Variants in UTRN observed in about 807,000 individuals in gnomAD.
The protein encoded by UTRN is dystrophin-related protein 1.
A neutral mutation model predicts 463.9 loss-of-function variants in UTRN; 283 were observed. The observed-to-expected ratio is 0.61, with a 90% CI of 0.55 to 0.67. The LOEUF (loss-of-function observed/expected upper bound fraction) is 0.67. Ranked by LOEUF, UTRN falls within the 30% of genes least tolerant of loss-of-function variation. The pLI, the probability that UTRN is intolerant of heterozygous loss-of-function variation, is 0.00. For missense variants in UTRN, 3,922 were observed against 4,084.3 expected (o/e 0.96, Z 1.08); for synonymous variants, 1,442 against 1,431.5 (o/e 1.01, Z -0.17).
intron 51 of UTRN, among the ~76,000 whole-genome samples, chr6:144,586,527 A>G (rs1165002453): frequency 6.6e-6 from 1 of 152,142 alleles, no homozygotes; most frequent in Non-Finnish European, 1.5e-5. Flanking sequence ...AGCACAGTAG[A>G]AAAAAAGCTG....
At chr6:144,293,250 A>G (rs1269635803) in intron 2 of UTRN, among the ~76,000 whole-genome samples, 5 of 152,148 alleles carry the variant, frequency 3.3e-5, no homozygotes, top group Non-Finnish European at 7.4e-5. Flanking sequence ...GTCATTTTCT[A>G]TAAATTGTGA....
intron 51 of UTRN, among the ~76,000 whole-genome samples, chr6:144,611,331 A>G (rs115916703): frequency 0.015 from 2,294 of 152,286 alleles, 54 homozygotes; most frequent in African/African-American, 0.05. Context: ...CACTATCACA[A>G]CTTCTGTTCA....
At chr6:144,429,002 C>A (rs1785545483) in intron 8 of UTRN, 109 bp downstream of exon 8, 3 of 699,298 alleles carry the variant, frequency 4.3e-6, no homozygotes, top group African/African-American at 1.8e-5. Context: ...CTTGAAGAAC[C>A]TTTTCCTTTT....
Position 144,627,311 on chromosome 6 carries a change from C to A in UTRN, c.7479+50023C>A, listed in dbSNP as rs569168753. Among the ~76,000 whole-genome samples, 154 of 152,256 alleles carry A rather than the reference C, an allele frequency of 1.0e-3. 1 individual carries two copies. The highest frequency in any genetic ancestry group is 1.9e-3 in the Non-Finnish European group (129 of 68,020). On this transcript the variant is annotated intron_variant, in intron 51 of 74. Transcript: ENST00000367545. ...TTGTCAAAGGGAGTAATAGCTGTTA[C>A]ATTCATTTATCGGTTTACTTTCTGT...
chr6:144,299,095 A>G (rs191707359), intron 2 of UTRN, among the ~76,000 whole-genome samples: 98 of 152,340 alleles, frequency 6.4e-4, no homozygotes, highest in African/African-American at 2.1e-3. Context: ...GATCCAGTCA[A>G]TATGTAGATT....
chr6:144,554,981 C>A, intron 49 of UTRN, 88 bp downstream of exon 49: 2 of 1,366,038 alleles, frequency 1.5e-6, no homozygotes, highest in Non-Finnish European at 1.0e-6. Context: ...ACAATAGGAC[C>A]CTGCCATGTT....
chr6:144,372,091 C>T (rs1311267744), intron 2 of UTRN, among the ~76,000 whole-genome samples: 1 of 152,238 alleles, frequency 6.6e-6, no homozygotes, highest in Non-Finnish European at 1.5e-5. Context: ...TTAAGCCACT[C>T]TTCCTCCTCA....
chr6:144,752,742 T>C lies in UTRN; in HGVS notation c.8355+790T>C, dbSNP rs112902031. ...ATATTTGTTCTTTATTCTTTTTTTT[T>C]CTTCTGCTCTGTTTCTCTAATTCAT... On this transcript the variant is annotated intron_variant, in intron 56 of 74. Transcript: ENST00000367545. Among the ~76,000 whole-genome samples, 415 of 152,294 alleles carry C rather than the reference T, an allele frequency of 2.7e-3. 1 individual carries two copies. The highest frequency in any genetic ancestry group is 9.4e-3 in the African/African-American group (389 of 41,566).
At chr6:144,354,993 T>C (rs1446238196) in intron 2 of UTRN, among the ~76,000 whole-genome samples, 1 of 152,178 alleles carries the variant, frequency 6.6e-6, no homozygotes, top group Non-Finnish European at 1.5e-5. Flanking sequence ...TTCTTGTCTT[T>C]GAATCTTTAA....
At chr6:144,628,768 G>T (rs1346198883) in intron 51 of UTRN, among the ~76,000 whole-genome samples, 1 of 151,998 alleles carries the variant, frequency 6.6e-6, no homozygotes, top group Non-Finnish European at 1.5e-5. Flanking sequence ...TTCCTCAGGG[G>T]GCTCCCTGAG....
chr6:144,760,393 C>G (rs1158234282), intron 58 of UTRN, among the ~76,000 whole-genome samples: 2 of 152,112 alleles, frequency 1.3e-5, no homozygotes, highest in Non-Finnish European at 1.5e-5. Context: ...AAAATCTTCT[C>G]CATCACCAGT....
rs1792326122 is a variant in UTRN, at chr6:144,485,318, T to C, written c.3688-67T>C. ...TGAAATTATTAGCGATTAAAGAGAATGTGTAGTACTAGAGATACGATGTGT... is the reference window on the plus strand; with the variant it reads ...TGAAATTATTAGCGATTAAAGAGAACGTGTAGTACTAGAGATACGATGTGT... On this transcript the variant is annotated intron_variant, in intron 27 of 74. Coordinates refer to ENST00000367545, the MANE Select transcript of UTRN (RefSeq NM_007124.3). 1.0e-5 allele frequency: 16 copies of C among 1,576,958 alleles called. No homozygotes were observed. In the South Asian group the frequency reaches 1.5e-4, roughly 15 times the overall value.
intron 53 of UTRN, among the ~76,000 whole-genome samples, chr6:144,706,406 C>G (rs1586130471): frequency 6.6e-6 from 1 of 152,096 alleles, no homozygotes; most frequent in East Asian, 1.9e-4. Context: ...ACATGAGAGG[C>G]ACAGTGTAGT....
rs141005058 is a variant in UTRN at position 144,669,149 on chromosome 6, A to G, written c.7480-9257A>G. Among the ~76,000 whole-genome samples, 286 of 152,308 alleles carry G rather than the reference A, an allele frequency of 1.9e-3. 1 individual carries two copies. The highest frequency in any genetic ancestry group is 5.2e-3 in the East Asian group (27 of 5,188). On this transcript the variant is annotated intron_variant, in intron 51 of 74. Transcript: ENST00000367545. ...GGAGGAAAAGATAATTGCCAAACTAATATGGATAGTTATGCTGACAATTTT... is the reference window on the plus strand; with the variant it reads ...GGAGGAAAAGATAATTGCCAAACTAGTATGGATAGTTATGCTGACAATTTT...
intron 66 of UTRN, among the ~76,000 whole-genome samples, chr6:144,825,145 T>A (rs540626914): frequency 1.3e-5 from 2 of 152,208 alleles, no homozygotes; most frequent in Non-Finnish European, 2.9e-5. Context: ...ACTGCTAGGA[T>A]TACAGGCACA....
chr6:144,424,615 T>C (rs964547097), intron 6 of UTRN, among the ~76,000 whole-genome samples: 9 of 152,186 alleles, frequency 5.9e-5, no homozygotes, highest in Admixed American at 1.3e-4. Flanking sequence ...AATGCCCTAT[T>C]TTCCTGGCAT....
chr6:144,574,964 C>T (rs1285670183), intron 50 of UTRN, among the ~76,000 whole-genome samples: 1 of 152,060 alleles, frequency 6.6e-6, no homozygotes, highest in African/African-American at 2.4e-5. Flanking sequence ...GTTAACTTTA[C>T]AAAAAACTGC....
chr6:144,495,902 A>AT (rs1228832497), intron 33 of UTRN, among the ~76,000 whole-genome samples: 1 of 152,000 alleles, frequency 6.6e-6, no homozygotes, highest in Admixed American at 6.5e-5. Flanking sequence ...GGAAATAATA[A>AT]TCCCTGTAAA....
At chr6:144,644,153 A>G (rs112586301) in intron 51 of UTRN, among the ~76,000 whole-genome samples, 34 of 152,328 alleles carry the variant, frequency 2.2e-4, no homozygotes, top group African/African-American at 8.2e-4. Context: ...GCCTATGTAG[A>G]AACCTTATGC....
Sources: allele counts gnomAD v4.1 joint callset (sites outside exome capture counted in the v4.1 genomes callset), GRCh38; gene constraint gnomAD v4.1.1; transcripts MANE v1.5; gene names NCBI Gene and HGNC (gene_info 2026-07-23, HGNC 2026-07-21).